The following XKR6 variants were observed in gnomAD, a reference collection of about 807,000 sequenced individuals.
XKR6 encodes the protein XK-related protein 6.
XKR6 carries 22 observed loss-of-function variants against 56.7 expected under a neutral mutation model. The observed-to-expected ratio is 0.39, with a 90% CI of 0.28 to 0.55. XKR6 has a LOEUF of 0.55. Ranked by LOEUF, XKR6 falls within the 20% of genes least tolerant of loss-of-function variation. The pLI is 0.66. For synonymous variants in XKR6, 524 were observed against 387.8 expected (o/e 1.35, Z -4.13); for missense variants, 852 against 889.0 (o/e 0.96, Z 0.53).
At chr8:10,926,900 A>T (rs1157368431) in intron 1 of XKR6, among the ~76,000 whole-genome samples, 1 of 152,172 alleles carries the variant, frequency 6.6e-6, no homozygotes, top group Non-Finnish European at 1.5e-5. Flanking sequence ...CACAGTCACT[A>T]AGAGAGGGGG....
intron 1 of XKR6, among the ~76,000 whole-genome samples, chr8:11,165,935 A>G (rs1030801128): frequency 1.3e-5 from 2 of 149,266 alleles, no homozygotes. Context: ...ACATTCATGT[A>G]TATATATATA....
intron 1 of XKR6, among the ~76,000 whole-genome samples, chr8:11,084,823 A>G (rs947857111): frequency 6.6e-6 from 1 of 152,156 alleles, no homozygotes; most frequent in Non-Finnish European, 1.5e-5. Context: ...GAGGGAAGGG[A>G]AAGGTTACTC....
At chr8:11,000,899 T>A (rs1203355957) in intron 1 of XKR6, among the ~76,000 whole-genome samples, 2 of 151,774 alleles carry the variant, frequency 1.3e-5, no homozygotes, top group African/African-American at 4.8e-5. Context: ...GTCCAGAGAG[T>A]ATATCCCTCC....
chr8:11,128,242 T>C, intron 1 of XKR6, among the ~76,000 whole-genome samples: 1 of 152,142 alleles, frequency 6.6e-6, no homozygotes, highest in East Asian at 1.9e-4. Flanking sequence ...GCACTCCCCT[T>C]TGCTGGATTC....
intron 1 of XKR6, among the ~76,000 whole-genome samples, chr8:11,107,033 C>G (rs1798704785): frequency 6.6e-6 from 1 of 151,706 alleles, no homozygotes; most frequent in Non-Finnish European, 1.5e-5. Context: ...ATCCCCAGAG[C>G]AAAACATGAC....
At chr8:11,036,434 G>A (rs781336546) in intron 1 of XKR6, among the ~76,000 whole-genome samples, 3 of 152,194 alleles carry the variant, frequency 2.0e-5, no homozygotes, top group African/African-American at 4.8e-5. Flanking sequence ...TTTCCAAACC[G>A]TTGAATGTGA....
At chr8:11,083,065 C>A (rs1366362730) in intron 1 of XKR6, among the ~76,000 whole-genome samples, 3 of 152,188 alleles carry the variant, frequency 2.0e-5, no homozygotes, top group African/African-American at 7.2e-5. Flanking sequence ...GTTTCTGATC[C>A]TGTGAGTCTC....
At chr8:11,160,782 C>G (rs932559253) in intron 1 of XKR6, among the ~76,000 whole-genome samples, 1 of 151,970 alleles carries the variant, frequency 6.6e-6, no homozygotes, top group African/African-American at 2.4e-5. Context: ...GTGGCACTTG[C>G]CTGTATGTAG....
intron 2 of XKR6, among the ~76,000 whole-genome samples, chr8:10,916,869 A>G (rs1800578555): frequency 6.6e-6 from 1 of 152,230 alleles, no homozygotes; most frequent in South Asian, 2.1e-4. Flanking sequence ...GTGAAGCTCA[A>G]ACGCAGCCCT....
At chr8:11,026,408 A>G (rs2129150148) in intron 1 of XKR6, among the ~76,000 whole-genome samples, 1 of 151,416 alleles carries the variant, frequency 6.6e-6, no homozygotes, top group Middle Eastern at 3.4e-3. Context: ...CTAGCCTACT[A>G]CACACCTAGA....
At chr8:11,106,207 G>A (rs770726188) in intron 1 of XKR6, 4 of 152,136 alleles carry the variant, frequency 2.6e-5, no homozygotes, top group South Asian at 2.1e-4. Context: ...TTCAATGCAG[G>A]TTCATGTGGG....
chr8:11,009,987 AT>A (rs1798463137), intron 1 of XKR6, among the ~76,000 whole-genome samples: 1 of 152,230 alleles, frequency 6.6e-6, no homozygotes, highest in Non-Finnish European at 1.5e-5. Flanking sequence ...CTGTTCTCAC[AT>A]TGCTATAAAG....
chr8:11,152,935 G>A (rs566958811), intron 1 of XKR6, among the ~76,000 whole-genome samples: 18 of 152,314 alleles, frequency 1.2e-4, no homozygotes, highest in African/African-American at 3.4e-4. Context: ...GGCCCAAGCT[G>A]TAGCCCACAG....
chr8:11,081,948 C>G (rs976126697), intron 1 of XKR6, among the ~76,000 whole-genome samples: 2 of 152,198 alleles, frequency 1.3e-5, no homozygotes, highest in Non-Finnish European at 2.9e-5. Flanking sequence ...GGGTGGTTCA[C>G]GGTTCTGTTC....
At chr8:11,108,617 T>C (rs895294260) in intron 1 of XKR6, 2 of 307,486 alleles carry the variant, frequency 6.5e-6, no homozygotes, top group African/African-American at 4.5e-5. Flanking sequence ...TGCAGAGAGT[T>C]TCCGTCCATT....
chr8:11,182,506 G>T (rs371059025), intron 1 of XKR6, among the ~76,000 whole-genome samples: 1 of 152,234 alleles, frequency 6.6e-6, no homozygotes, highest in Non-Finnish European at 1.5e-5. Context: ...GCTGGTCAGC[G>T]TGGCCAGGAC....
intron 1 of XKR6, among the ~76,000 whole-genome samples, chr8:10,939,896 C>T (rs577287178): frequency 6.6e-6 from 1 of 152,360 alleles, no homozygotes; most frequent in East Asian, 1.9e-4. Flanking sequence ...CAGCTTCTCC[C>T]TGGGCTTCGG....
At chr8:11,157,515 T>C (rs1377657002) in intron 1 of XKR6, among the ~76,000 whole-genome samples, 1 of 151,260 alleles carries the variant, frequency 6.6e-6, no homozygotes, top group Non-Finnish European at 1.5e-5. Context: ...TGTATGTATG[T>C]ATGTATGTAT....
chr8:10,981,644 GAAA>G (rs1158325729), intron 1 of XKR6, among the ~76,000 whole-genome samples: 1 of 152,222 alleles, frequency 6.6e-6, no homozygotes, highest in Non-Finnish European at 1.5e-5. Flanking sequence ...ACTTCCAGGT[GAAA>G]AAATATAACA....
Sources: allele counts gnomAD v4.1 joint callset (sites outside exome capture counted in the v4.1 genomes callset), GRCh38; gene constraint gnomAD v4.1.1; transcripts MANE v1.5; gene names NCBI Gene and HGNC (gene_info 2026-07-23, HGNC 2026-07-21).